Variants in CCDC148 observed in about 807,000 individuals in gnomAD.
CCDC148 encodes coiled-coil domain-containing protein 148.
In CCDC148, 89 loss-of-function variants were observed where a neutral mutation model predicts 85.7. The ratio of observed to expected loss-of-function variants is 1.04; its 90% CI spans 0.87 to 1.24. The LOEUF is 1.24. Ranked by LOEUF, CCDC148 falls within the 50% of genes most tolerant of loss-of-function variation. The pLI, the probability that CCDC148 is intolerant of heterozygous loss-of-function variation, is 0.00. For missense variants in CCDC148, 692 were observed against 671.7 expected (o/e 1.03, Z -0.33); for synonymous variants, 230 against 213.9 (o/e 1.08, Z -0.66).
intron 1 of CCDC148, among the ~76,000 whole-genome samples, chr2:158,435,455 C>G (rs1052974692): frequency 5.3e-5 from 8 of 152,174 alleles, no homozygotes; most frequent in Non-Finnish European, 2.9e-5. Context: ...CCAGTCCTGC[C>G]TTACAAGAGC....
chr2:158,429,236 G>A (rs184624727), intron 1 of CCDC148, among the ~76,000 whole-genome samples: 13 of 152,102 alleles, frequency 8.5e-5, no homozygotes, highest in Admixed American at 2.6e-4. Context: ...GTATACTTAC[G>A]TAACAAACCT....
At chr2:158,334,983 G>A (rs1047755322) in intron 7 of CCDC148, among the ~76,000 whole-genome samples, 12 of 151,998 alleles carry the variant, frequency 7.9e-5, no homozygotes, top group Non-Finnish European at 1.5e-4. Context: ...ATCAATTATT[G>A]TATTGAATTA....
At chr2:158,267,796 T>A (rs1236934636) in intron 9 of CCDC148, among the ~76,000 whole-genome samples, 2 of 152,168 alleles carry the variant, frequency 1.3e-5, no homozygotes, top group Admixed American at 6.5e-5. Context: ...CTATTTTCTG[T>A]CCCTATAGTT....
intron 7 of CCDC148, among the ~76,000 whole-genome samples, chr2:158,336,142 G>A (rs1486025126): frequency 2.0e-5 from 3 of 152,070 alleles, no homozygotes; most frequent in African/African-American, 7.2e-5. Flanking sequence ...GAGGGGAGAA[G>A]GCCATATCAA....
chr2:158,406,707 C>T (rs538981687), intron 1 of CCDC148, among the ~76,000 whole-genome samples: 2 of 142,878 alleles, frequency 1.4e-5, no homozygotes, highest in South Asian at 2.2e-4. Context: ...ACTGTAACCT[C>T]GACCTCTCAG....
At chr2:158,183,074 A>G (rs933910149) in intron 11 of CCDC148, among the ~76,000 whole-genome samples, 3 of 152,126 alleles carry the variant, frequency 2.0e-5, no homozygotes, top group Non-Finnish European at 4.4e-5. Flanking sequence ...TTCTCAGTCT[A>G]TTATATGCTC....
chr2:158,282,226 G>A (rs1290888349), intron 9 of CCDC148, among the ~76,000 whole-genome samples: 1 of 152,108 alleles, frequency 6.6e-6, no homozygotes, highest in African/African-American at 2.4e-5. Flanking sequence ...ACAAGACAGG[G>A]ATGCCCTCTC....
In CCDC148 at chr2:158,244,143, G is replaced by A. The variant is rs187771829; in HGVS notation, c.1251+6629C>T. 3.5e-4 allele frequency among the ~76,000 whole-genome samples: 53 copies of A among 152,198 alleles called. No homozygotes were observed. The East Asian group carries it at 7.7e-3, about 22-fold the overall frequency. On this transcript the variant is annotated intron_variant, in intron 10 of 13. Coordinates refer to ENST00000283233, the MANE Select transcript of CCDC148 (RefSeq NM_138803.4). ...TCTAGCATTTTTCTATCATCCTCAA[G>A]ATGACATCCTTAAAATTCTTCCAGC...
At position 158,307,476 on chromosome 2, in the gene CCDC148, G is replaced by A. The variant is rs1050817720; in HGVS notation, c.1110+1957C>T. ...GGTTGCAAATTTGTATAACCACTTT[G>A]GAAAACTATTTGGCAGTATTTACTA... is the stretch of plus-strand genomic sequence containing the variant. On this transcript the variant is annotated intron_variant, in intron 9 of 13. Transcript: ENST00000283233. 3.2e-4 allele frequency among the ~76,000 whole-genome samples: 48 copies of A among 152,172 alleles called. 1 individual carries two copies.
chr2:158,300,338 G>GT (rs373484951), intron 9 of CCDC148, among the ~76,000 whole-genome samples: 82 of 152,272 alleles, frequency 5.4e-4, no homozygotes, highest in African/African-American at 1.9e-3. Context: ...TAGGGCAGGG[G>GT]TAGGGGGAGG....
intron 13 of CCDC148, 119 bp downstream of exon 13, chr2:158,176,402 C>A: frequency 1.1e-6 from 1 of 932,006 alleles, no homozygotes; most frequent in South Asian, 2.0e-5. Flanking sequence ...AAAAATTATG[C>A]TAATATGTAA....
intron 7 of CCDC148, among the ~76,000 whole-genome samples, chr2:158,324,876 TC>T (rs1692692020): frequency 6.6e-6 from 1 of 152,068 alleles, no homozygotes. Flanking sequence ...TTCATTCCCC[TC>T]CCAGCATCTG....
At chr2:158,173,980 C>T (rs1312216911) in intron 13 of CCDC148, among the ~76,000 whole-genome samples, 2 of 151,998 alleles carry the variant, frequency 1.3e-5, no homozygotes, top group Admixed American at 6.6e-5. Context: ...CCACAGGCAG[C>T]CCATCAGTTT....
At chr2:158,208,997 C>T (rs1686407014) in intron 11 of CCDC148, among the ~76,000 whole-genome samples, 1 of 151,688 alleles carries the variant, frequency 6.6e-6, no homozygotes, top group South Asian at 2.1e-4. Flanking sequence ...CATTAACCTT[C>T]TAATTCTTAT....
chr2:158,365,719 T>C (rs904421376), intron 1 of CCDC148, among the ~76,000 whole-genome samples: 3 of 152,078 alleles, frequency 2.0e-5, no homozygotes, highest in African/African-American at 7.2e-5. Context: ...GACGGGTTGA[T>C]GGGTGCATCA....
intron 9 of CCDC148, among the ~76,000 whole-genome samples, chr2:158,255,313 G>A (rs1218741037): frequency 6.6e-6 from 1 of 151,464 alleles, no homozygotes; most frequent in Non-Finnish European, 1.5e-5. Context: ...AAAGGGGGGC[G>A]GGTAAAGGAA....
At chr2:158,354,346 A>G (rs1254281948) in intron 2 of CCDC148, among the ~76,000 whole-genome samples, 3 of 152,150 alleles carry the variant, frequency 2.0e-5, no homozygotes, top group Non-Finnish European at 4.4e-5. Flanking sequence ...CTAATAAAGA[A>G]AAAAAGAGAG....
At chr2:158,353,752 A>G (rs898583527) in intron 2 of CCDC148, among the ~76,000 whole-genome samples, 1 of 152,126 alleles carries the variant, frequency 6.6e-6, no homozygotes, top group African/African-American at 2.4e-5. Flanking sequence ...AGAACTCTCC[A>G]CCCCAAATCA....
chr2:158,407,481 T>C (rs1686076205), intron 1 of CCDC148, among the ~76,000 whole-genome samples: 1 of 152,196 alleles, frequency 6.6e-6, no homozygotes, highest in African/African-American at 2.4e-5. Flanking sequence ...ACTGGAGTTG[T>C]ATCAAAATAC....
Sources: allele counts gnomAD v4.1 joint callset (sites outside exome capture counted in the v4.1 genomes callset), GRCh38; gene constraint gnomAD v4.1.1; transcripts MANE v1.5; gene names NCBI Gene and HGNC (gene_info 2026-07-23, HGNC 2026-07-21).